STK32B: variants seen among roughly 807,000 people sequenced by gnomAD.
The protein encoded by STK32B is serine/threonine kinase 32B.
A neutral mutation model predicts 52.6 loss-of-function variants in STK32B; 43 were observed. That is an observed-to-expected ratio of 0.82 (90% CI 0.64 to 1.05). STK32B has a LOEUF of 1.05. Ranked by LOEUF, STK32B falls within the 50% of genes least tolerant of loss-of-function variation. STK32B has a pLI of 0.00. For missense variants in STK32B, 621 were observed against 534.6 expected (o/e 1.16, Z -1.59); for synonymous variants, 238 against 204.3 (o/e 1.17, Z -1.41).
intron 3 of STK32B, among the ~76,000 whole-genome samples, chr4:5,244,325 A>C (rs1315560633): frequency 6.6e-6 from 1 of 152,094 alleles, no homozygotes; most frequent in Non-Finnish European, 1.5e-5. Context: ...GTGTTGAGGA[A>C]TTTATCCATT....
intron 4 of STK32B, among the ~76,000 whole-genome samples, chr4:5,339,244 C>G (rs1168661380): frequency 6.6e-6 from 1 of 152,200 alleles, no homozygotes; most frequent in African/African-American, 2.4e-5. Flanking sequence ...TAGGACTTCT[C>G]AGCCTCCAAA....
rs1720526943 is a variant in STK32B, at chr4:5,499,048, C to G, written c.1210C>G (p.Leu404Val). Residue 404 changes from leucine to valine, a missense_variant, in exon 12 of 12, where the codon CTC (leucine) becomes GTC (valine). By Grantham distance (32) the Leu-to-Val change is conservative. Transcript: ENST00000282908. ...KLQDGCNNNL[L>V]THTCTRGCSS ...CCAGGACGGGTGCAACAACAACCTC[C>G]TCACCCACACCTGCACCCGTGGCTG... 5 of 1,613,720 alleles carry G rather than the reference C, an allele frequency of 3.1e-6. No homozygotes were observed. The highest frequency in any genetic ancestry group is 4.2e-6 in the Non-Finnish European group (5 of 1,179,768).
intron 1 of STK32B, among the ~76,000 whole-genome samples, chr4:5,120,306 C>T (rs34653630): frequency 0.18 from 26,914 of 152,114 alleles, 2,628 homozygotes; most frequent in East Asian, 0.26. Flanking sequence ...ACAGTGCCTA[C>T]GTCATTCACT....
intron 3 of STK32B, among the ~76,000 whole-genome samples, chr4:5,236,193 G>C (rs1724624605): frequency 6.6e-6 from 1 of 152,118 alleles, no homozygotes; most frequent in African/African-American, 2.4e-5. Flanking sequence ...AGCTCCATGT[G>C]TCTCCCAGTC....
At chr4:5,122,251 CATTT>C (rs1198068053) in intron 1 of STK32B, among the ~76,000 whole-genome samples, 2 of 152,092 alleles carry the variant, frequency 1.3e-5, no homozygotes, top group African/African-American at 2.4e-5. Context: ...CACATTTACT[CATTT>C]ACTCATTCAT....
chr4:5,048,138 G>GT (rs1226282203), upstream of STK32B, among the ~76,000 whole-genome samples: 6 of 151,042 alleles, frequency 4.0e-5, no homozygotes, highest in Non-Finnish European at 1.5e-5. Flanking sequence ...TTTTTTACTT[G>GT]TTTGTTTTTT....
At chr4:5,203,722 T>G (rs1722335526) in intron 3 of STK32B, among the ~76,000 whole-genome samples, 1 of 152,196 alleles carries the variant, frequency 6.6e-6, no homozygotes, top group Admixed American at 6.5e-5. Flanking sequence ...CATTCCTAAT[T>G]TTTCTATTCC....
chr4:5,163,625 C>T (rs972823068), intron 2 of STK32B, among the ~76,000 whole-genome samples: 28 of 150,010 alleles, frequency 1.9e-4, no homozygotes, highest in African/African-American at 6.9e-4. Flanking sequence ...TCTTTGAATG[C>T]CAAGACCTTG....
chr4:5,107,265 G>A (rs1714159241), intron 1 of STK32B, among the ~76,000 whole-genome samples: 1 of 152,102 alleles, frequency 6.6e-6, no homozygotes, highest in African/African-American at 2.4e-5. Context: ...AGACCATCTA[G>A]TTGCAGGAAA....
intron 4 of STK32B, among the ~76,000 whole-genome samples, chr4:5,374,433 G>C (rs979262271): frequency 6.6e-6 from 1 of 152,142 alleles, no homozygotes; most frequent in Admixed American, 6.5e-5. Flanking sequence ...TAAATATAAG[G>C]ACTAATAATA....
intron 1 of STK32B, among the ~76,000 whole-genome samples, chr4:5,129,408 C>T (rs1242672666): frequency 6.6e-6 from 1 of 152,172 alleles, no homozygotes; most frequent in Non-Finnish European, 1.5e-5. Flanking sequence ...GTAGAATACA[C>T]ATCACTAGAG....
At chr4:5,385,457 G>A (rs1342506544) in intron 4 of STK32B, among the ~76,000 whole-genome samples, 1 of 144,728 alleles carries the variant, frequency 6.9e-6, no homozygotes, top group East Asian at 2.3e-4. Context: ...GGAGGGAGGG[G>A]GGTTTTGGCG....
chr4:5,140,010 T>G, intron 2 of STK32B, 50 bp downstream of exon 2: 3 of 1,603,628 alleles, frequency 1.9e-6, no homozygotes, highest in Non-Finnish European at 2.6e-6. Flanking sequence ...TGTGTATATT[T>G]GTGTGTCTGT....
intron 4 of STK32B, among the ~76,000 whole-genome samples, chr4:5,391,756 C>T (rs975938432): frequency 2.6e-5 from 4 of 152,200 alleles, no homozygotes; most frequent in Admixed American, 1.3e-4. Context: ...GCCTGGGACA[C>T]GTGACAACTG....
In STK32B at chr4:5,319,084, G is replaced by A. The variant is rs139688863; in HGVS notation, c.261-12136G>A. Among the ~76,000 whole-genome samples, 565 of 152,252 alleles carry A rather than the reference G, an allele frequency of 3.7e-3. 14 individuals carry two copies. The East Asian group carries it at 0.069, about 19-fold the overall frequency. On this transcript the variant is annotated intron_variant, in intron 3 of 11. Coordinates refer to ENST00000282908, the MANE Select transcript of STK32B (RefSeq NM_018401.3). ...CTCCCAAAGTGCTGGGATTACAGGC[G>A]TGAGCCACCACGCCTGGCTAAAAAT...
intron 3 of STK32B, among the ~76,000 whole-genome samples, chr4:5,259,325 C>T (rs1726549638): frequency 6.6e-6 from 1 of 152,202 alleles, no homozygotes; most frequent in South Asian, 2.1e-4. Flanking sequence ...GTATGCTTGG[C>T]ACACATTAGG....
intron 3 of STK32B, among the ~76,000 whole-genome samples, chr4:5,247,595 G>A (rs984277444): frequency 1.3e-5 from 2 of 152,104 alleles, no homozygotes; most frequent in East Asian, 1.9e-4. Flanking sequence ...CCCACTGTCC[G>A]GCGCTTCCCT....
intron 4 of STK32B, among the ~76,000 whole-genome samples, chr4:5,373,595 C>A (rs918863806): frequency 5.3e-5 from 8 of 152,190 alleles, no homozygotes; most frequent in Non-Finnish European, 4.4e-5. Context: ...TGAATCTCAT[C>A]CAAACACCTG....
At chr4:5,457,126 C>T (rs548921437) in intron 8 of STK32B, among the ~76,000 whole-genome samples, 6 of 151,456 alleles carry the variant, frequency 4.0e-5, no homozygotes, top group Non-Finnish European at 7.4e-5. Flanking sequence ...AGGACTGTGG[C>T]GGCTCTGACC....
Sources: allele counts gnomAD v4.1 joint callset (sites outside exome capture counted in the v4.1 genomes callset), GRCh38; gene constraint gnomAD v4.1.1; transcripts MANE v1.5; gene names NCBI Gene and HGNC (gene_info 2026-07-23, HGNC 2026-07-21).